Variants in CYP39A1 observed in about 807,000 individuals in gnomAD.
CYP39A1 encodes the protein cytochrome P450 family 39 subfamily A member 1.
CYP39A1 carries 49 observed loss-of-function variants against 58.1 expected under a neutral mutation model. The observed-to-expected ratio is 0.84, with a 90% CI of 0.67 to 1.07. CYP39A1 has a LOEUF of 1.07. Ranked by LOEUF, CYP39A1 falls within the 50% of genes least tolerant of loss-of-function variation. CYP39A1 has a pLI of 0.00. For synonymous variants in CYP39A1, 209 were observed against 187.6 expected (o/e 1.11, Z -0.93); for missense variants, 531 against 539.4 (o/e 0.98, Z 0.16).
intron 5 of CYP39A1, 143 bp from the exon 6 acceptor site, chr6:46,631,213 G>A (rs955589624): frequency 7.5e-6 from 5 of 668,008 alleles, no homozygotes; most frequent in Non-Finnish European, 1.0e-5. Context: ...GCATGTGAAG[G>A]GATTTATGTC....
rs538764926 is a variant in CYP39A1 at position 46,580,766 on chromosome 6, C to T, written c.1250+6311G>A. Among the ~76,000 whole-genome samples the T allele has an allele frequency of 5.3e-5, 8 of 152,186 alleles. 1 individual carries two copies. The East Asian group carries it at 1.5e-3, about 29-fold the overall frequency. ...TAAAAAACTGTTCAACATTACCAAT[C>T]GTTAGAGAAATGCAAATGAAAACCA... On this transcript the variant is annotated intron_variant, in intron 10 of 11. Coordinates refer to ENST00000275016, the MANE Select transcript of CYP39A1 (RefSeq NM_016593.5).
intron 10 of CYP39A1, among the ~76,000 whole-genome samples, chr6:46,559,138 G>A (rs2150481482): frequency 6.6e-6 from 1 of 152,230 alleles, no homozygotes; most frequent in South Asian, 2.1e-4. Flanking sequence ...GGAACATAGT[G>A]TGCCTGTGCC....
At chr6:46,558,465 G>A (rs1047486373) in intron 10 of CYP39A1, among the ~76,000 whole-genome samples, 4 of 151,934 alleles carry the variant, frequency 2.6e-5, no homozygotes, top group Admixed American at 1.3e-4. Flanking sequence ...TCACTATCAC[G>A]AACATCAAGG....
chr6:46,630,839 T>C, intron 6 of CYP39A1, 124 bp downstream of exon 6: 1 of 763,884 alleles, frequency 1.3e-6, no homozygotes, highest in Non-Finnish European at 2.1e-6. Flanking sequence ...CCAAATCCAC[T>C]GTAGTTTTTT....
At chr6:46,570,391 TTATC>T (rs1306917038) in intron 10 of CYP39A1, among the ~76,000 whole-genome samples, 1 of 152,186 alleles carries the variant, frequency 6.6e-6, no homozygotes, top group African/African-American at 2.4e-5. Flanking sequence ...TTGTTCTTCT[TTATC>T]TAGTTCCTTG....
At chr6:46,581,769 T>A (rs1184601279) in intron 10 of CYP39A1, among the ~76,000 whole-genome samples, 1 of 152,118 alleles carries the variant, frequency 6.6e-6, no homozygotes, top group Non-Finnish European at 1.5e-5. Context: ...TGTACCCCCC[T>A]TGAACCCAAA....
intron 7 of CYP39A1, among the ~76,000 whole-genome samples, chr6:46,618,463 A>G (rs2150562337): frequency 6.6e-6 from 1 of 152,312 alleles, no homozygotes; most frequent in Non-Finnish European, 1.5e-5. Context: ...CCAAAATTTG[A>G]TAACAAAGCA....
chr6:46,642,415 T>C (rs1309970563), intron 1 of CYP39A1, 117 bp from the exon 2 acceptor site: 27 of 963,822 alleles, frequency 2.8e-5, no homozygotes, highest in Non-Finnish European at 3.7e-5. Context: ...ATTATGATTA[T>C]ATTTGGCAAT....
At chr6:46,618,994 A>G (rs1774791123) in intron 7 of CYP39A1, among the ~76,000 whole-genome samples, 1 of 152,252 alleles carries the variant, frequency 6.6e-6, no homozygotes, top group South Asian at 2.1e-4. Flanking sequence ...GCCACTAGAA[A>G]CCACTCTACA....
chr6:46,554,631 T>C (rs1283474153), intron 10 of CYP39A1, among the ~76,000 whole-genome samples: 2 of 152,214 alleles, frequency 1.3e-5, no homozygotes, highest in Non-Finnish European at 2.9e-5. Context: ...GAAAAAAGTA[T>C]AAATAGAATT....
chr6:46,586,932 C>T, intron 10 of CYP39A1, 145 bp downstream of exon 10: 2 of 648,788 alleles, frequency 3.1e-6, no homozygotes, highest in Non-Finnish European at 5.4e-6. Flanking sequence ...CACAGGACCA[C>T]AGATAAACCA....
At chr6:46,586,310 G>C (rs1772469632) in intron 10 of CYP39A1, 1 of 982,978 alleles carries the variant, frequency 1.0e-6, no homozygotes, top group Non-Finnish European at 1.2e-6. Flanking sequence ...TACATTTATT[G>C]AGTGAGATTT....
intron 1 of CYP39A1, among the ~76,000 whole-genome samples, chr6:46,646,222 T>C (rs565691852): frequency 6.6e-6 from 1 of 152,238 alleles, no homozygotes; most frequent in South Asian, 2.1e-4. Flanking sequence ...GTATTTAGTC[T>C]TTCATCATTT....
chr6:46,613,452 A>T (rs1774335611), intron 7 of CYP39A1, among the ~76,000 whole-genome samples: 1 of 152,198 alleles, frequency 6.6e-6, no homozygotes, highest in African/African-American at 2.4e-5. Flanking sequence ...GCCTTTTATG[A>T]TGCATAAATC....
At chr6:46,562,027 T>A (rs1196441788) in intron 10 of CYP39A1, among the ~76,000 whole-genome samples, 1 of 152,056 alleles carries the variant, frequency 6.6e-6, no homozygotes, top group Non-Finnish European at 1.5e-5. Context: ...GTAGTTTGTT[T>A]GTTTGTTTGT....
chr6:46,618,728 G>T (rs929269523), intron 7 of CYP39A1, among the ~76,000 whole-genome samples: 1 of 151,664 alleles, frequency 6.6e-6, no homozygotes, highest in African/African-American at 2.4e-5. Flanking sequence ...GATTTGTGTG[G>T]GTGTGTAAAT....
chr6:46,554,383 G>T (rs1042399815), intron 10 of CYP39A1, among the ~76,000 whole-genome samples: 1 of 152,234 alleles, frequency 6.6e-6, no homozygotes, highest in Admixed American at 6.5e-5. Context: ...TTGCCCACTG[G>T]AAATTACTGC....
intron 1 of CYP39A1, among the ~76,000 whole-genome samples, chr6:46,646,452 C>T (rs1762332189): frequency 6.6e-6 from 1 of 151,996 alleles, no homozygotes; most frequent in African/African-American, 2.4e-5. Flanking sequence ...TTTTCATATA[C>T]TGATAAATTT....
intron 10 of CYP39A1, among the ~76,000 whole-genome samples, chr6:46,570,548 A>C (rs1370205416): frequency 6.6e-6 from 1 of 152,104 alleles, no homozygotes; most frequent in Non-Finnish European, 1.5e-5. Flanking sequence ...TTGTGTTGCT[A>C]TGAAGGAATA....
Sources: allele counts gnomAD v4.1 joint callset (sites outside exome capture counted in the v4.1 genomes callset), GRCh38; gene constraint gnomAD v4.1.1; transcripts MANE v1.5; gene names NCBI Gene and HGNC (gene_info 2026-07-23, HGNC 2026-07-21).